The following MOB1A variants were observed in gnomAD, a reference collection of about 807,000 sequenced individuals.
The protein encoded by MOB1A is MOB1 Mps One Binder homolog A.
A neutral mutation model predicts 25.1 loss-of-function variants in MOB1A; 10 were observed. The observed-to-expected ratio is 0.40, with a 90% CI of 0.25 to 0.68. MOB1A has a LOEUF of 0.68. Among genes scored for constraint, MOB1A ranks in the 30% least tolerant of loss-of-function variants. The pLI is 0.40. For missense variants in MOB1A, 177 were observed against 256.3 expected (o/e 0.69, Z 2.11); for synonymous variants, 81 against 79.5 (o/e 1.02, Z -0.10).
chr2:74,168,678 T>C (rs1693199017), intron 2 of MOB1A, among the ~76,000 whole-genome samples: 1 of 152,184 alleles, frequency 6.6e-6, no homozygotes, highest in African/African-American at 2.4e-5. Flanking sequence ...TCTAAAGAAG[T>C]ACCTAAAAAC....
intron 1 of MOB1A, among the ~76,000 whole-genome samples, chr2:74,174,269 CAAA>C (rs760925429): frequency 1.7e-4 from 14 of 80,724 alleles, no homozygotes; most frequent in African/African-American, 3.9e-4. Flanking sequence ...GACTCCGTCT[CAAA>C]AAAAAAAAAA....
Position 74,178,751 on chromosome 2 carries a change from G to T in MOB1A, c.-77C>A. The T allele has an allele frequency of 2.9e-6, 2 of 700,536 alleles. No homozygotes were observed. The highest frequency in any genetic ancestry group is 1.2e-4 in the South Asian group (2 of 17,372). 43.4% of individuals were successfully genotyped at this position (700,536 alleles called of 1,614,324 possible). On this transcript the variant is annotated 5_prime_UTR_variant, in exon 1 of 6. Transcript: ENST00000396049. ...GATTCGGAGCTGGCTAGAGGGAGCGGACCGTCCTTAGCTCACGGGCAGCGG... is the reference window on the plus strand; with the variant it reads ...GATTCGGAGCTGGCTAGAGGGAGCGTACCGTCCTTAGCTCACGGGCAGCGG...
chr2:74,162,321 A>C (rs937028471), intron 4 of MOB1A, among the ~76,000 whole-genome samples: 2 of 152,092 alleles, frequency 1.3e-5, no homozygotes, highest in Admixed American at 1.3e-4. Flanking sequence ...TCTCTACCTA[A>C]AACTACAAAA....
chr2:74,174,490 A>G (rs936688436), intron 1 of MOB1A, among the ~76,000 whole-genome samples: 1 of 152,110 alleles, frequency 6.6e-6, no homozygotes, highest in South Asian at 2.1e-4. Flanking sequence ...CCAGTATTCT[A>G]TATCAAAATA....
intron 1 of MOB1A, chr2:74,173,189 C>A (rs758964957): frequency 1.9e-6 from 1 of 517,992 alleles, no homozygotes; most frequent in South Asian, 1.4e-5. Context: ...ATGATGATCA[C>A]AATACAAGAA....
chr2:74,156,655 G>A lies in MOB1A; in HGVS notation c.574-10C>T. The A allele has an allele frequency of 2.0e-6, 3 of 1,536,968 alleles. No individual in the cohort carries two copies. The highest frequency in any genetic ancestry group is 1.4e-5 in the African/African-American group (1 of 72,722). On this transcript the variant is annotated splice_polypyrimidine_tract_variant and intron_variant, in intron 5 of 5. Transcript: ENST00000396049. ...CAATCAGATTAAACTCCTAAAAAGA[G>A]AAGAAAAATAACAATTAAAAATGGA...
chr2:74,159,356 A>G (rs1173273286), intron 4 of MOB1A, 102 bp from the exon 5 acceptor site: 1 of 1,057,970 alleles, frequency 9.5e-7, no homozygotes, highest in Admixed American at 2.3e-5. Context: ...CAGTGGTGCA[A>G]TCTCAGCTCA....
chr2:74,173,059 C>A, intron 1 of MOB1A: 1 of 450,836 alleles, frequency 2.2e-6, no homozygotes, highest in South Asian at 1.6e-5. Flanking sequence ...TGGCTTGAAC[C>A]TGGGAGGCAG....
intron 1 of MOB1A, among the ~76,000 whole-genome samples, chr2:74,173,805 C>T (rs1487978720): frequency 6.8e-6 from 1 of 148,064 alleles, no homozygotes; most frequent in East Asian, 2.1e-4. Context: ...AAAAATTAGC[C>T]GGGCGTGGTG....
chr2:74,165,421 C>T, intron 3 of MOB1A, 70 bp from the exon 4 acceptor site: 2 of 923,420 alleles, frequency 2.2e-6, no homozygotes, highest in Non-Finnish European at 3.0e-6. Context: ...GTGATTAAAA[C>T]AGGTTCATTC....
chr2:74,163,036 A>C (rs1693018170), intron 4 of MOB1A, among the ~76,000 whole-genome samples: 1 of 152,210 alleles, frequency 6.6e-6, no homozygotes, highest in Non-Finnish European at 1.5e-5. Context: ...ATTTTTTAAA[A>C]ATCCATACAC....
chr2:74,175,035 G>A (rs1402307502), intron 1 of MOB1A, among the ~76,000 whole-genome samples: 1 of 152,224 alleles, frequency 6.6e-6, no homozygotes, highest in Non-Finnish European at 1.5e-5. Flanking sequence ...CAGTGAGCAA[G>A]CAGCAAAGCT....
chr2:74,168,774 T>C (rs987802447), intron 2 of MOB1A, among the ~76,000 whole-genome samples: 1 of 152,246 alleles, frequency 6.6e-6, no homozygotes, highest in Non-Finnish European at 1.5e-5. Flanking sequence ...CAAAACTCCC[T>C]CACTTATAAA....
At chr2:74,176,368 T>C (rs1572969398) in intron 1 of MOB1A, among the ~76,000 whole-genome samples, 1 of 142,978 alleles carries the variant, frequency 7.0e-6, no homozygotes, top group East Asian at 2.1e-4. Flanking sequence ...TAAAAAAAAC[T>C]ATATTGAACA....
chr2:74,160,681 C>G (rs2103698098), intron 4 of MOB1A, among the ~76,000 whole-genome samples: 1 of 151,074 alleles, frequency 6.6e-6, no homozygotes, highest in East Asian at 2.0e-4. Context: ...GCCTGGGTGA[C>G]AGAGCGAGAC....
chr2:74,169,688 G>A (rs1693229188), intron 2 of MOB1A, among the ~76,000 whole-genome samples: 1 of 151,788 alleles, frequency 6.6e-6, no homozygotes, highest in African/African-American at 2.4e-5. Flanking sequence ...GAGTGCAGTG[G>A]TGCGATCTTG....
chr2:74,165,261 A>C lies in MOB1A; in HGVS notation c.366T>G (p.Val122=). The change falls in exon 4 of 6, where the codon GTT becomes GTG. Residue 122 remains valine, a synonymous_variant. Transcript: ENST00000396049. The part of the protein sequence containing the change: ...PKYIDYLMTW[V]QDQLDDETLF... Reference sequence around the variant, plus strand: ...GAGTTTCATCATCAAGCTGATCTTGAACCCAAGTCATCAAATAGTCAATGT... The same window carrying C: ...GAGTTTCATCATCAAGCTGATCTTGCACCCAAGTCATCAAATAGTCAATGT... 6.4e-7 allele frequency: 1 copy of C among 1,572,278 alleles called. No homozygotes were observed. The highest frequency in any genetic ancestry group is 8.6e-7 in the Non-Finnish European group (1 of 1,157,074).
chr2:74,155,289 T>A lies in MOB1A; in HGVS notation c.*1279A>T, dbSNP rs1408931857. ...GAAGGGGAAGGCTTTTATATCCCAA[T>A]AGAAATAGAGGAATTTCAAGTTTTG... On this transcript the variant is annotated 3_prime_UTR_variant, in exon 6 of 6. Transcript: ENST00000396049. 2 of 152,596 alleles carry A rather than the reference T, an allele frequency of 1.3e-5. No individual in the cohort carries two copies. Among genetic ancestry groups the A allele is most frequent in the African/African-American group, 4.8e-5 (2 of 41,450 alleles). 9.5% of individuals were successfully genotyped at this position (152,596 alleles called of 1,614,324 possible).
chr2:74,157,917 C>T (rs1205354715), intron 5 of MOB1A, among the ~76,000 whole-genome samples: 1 of 152,028 alleles, frequency 6.6e-6, no homozygotes, highest in Non-Finnish European at 1.5e-5. Context: ...CATGGTGGCT[C>T]ATGCCTGTAA....
Sources: allele counts gnomAD v4.1 joint callset (sites outside exome capture counted in the v4.1 genomes callset), GRCh38; gene constraint gnomAD v4.1.1; transcripts MANE v1.5; gene names NCBI Gene and HGNC (gene_info 2026-07-23, HGNC 2026-07-21).